Variants in MEF2B observed in about 807,000 individuals in gnomAD.
MEF2B encodes myocyte enhancer factor 2B.
In MEF2B, 15 loss-of-function variants were observed where a neutral mutation model predicts 32.2. The ratio of observed to expected loss-of-function variants is 0.47; its 90% CI spans 0.31 to 0.72. The LOEUF is 0.72. Among genes scored for constraint, MEF2B ranks in the 30% least tolerant of loss-of-function variants. MEF2B has a pLI of 0.05. For missense variants in MEF2B, 441 were observed against 511.5 expected, an observed-to-expected ratio of 0.86 and a Z score of 1.33; for synonymous variants, 205 against 225.6, an observed-to-expected ratio of 0.91 and a Z score of 0.82.
chr19:19,166,862 G>A (rs932199923), intron 1 of MEF2B, among the ~76,000 whole-genome samples: 5 of 151,652 alleles, frequency 3.3e-5, no homozygotes, highest in African/African-American at 7.3e-5. Context: ...CCAGGAGTTC[G>A]AGACCAGCTT....
chr19:19,169,809 T>C (rs2060239314), intron 1 of MEF2B, among the ~76,000 whole-genome samples: 1 of 152,070 alleles, frequency 6.6e-6, no homozygotes, highest in African/African-American at 2.4e-5. Context: ...CATAGGGTTG[T>C]GCACAGGGGA....
rs992181632 is a variant in MEF2B, at chr19:19,168,025, C to T, written c.-30+2180G>A. Among the ~76,000 whole-genome samples the T allele has an allele frequency of 3.9e-5, 6 of 152,210 alleles. No homozygotes were observed. The East Asian group carries it at 7.7e-4, about 20-fold the overall frequency. On this transcript the variant is annotated intron_variant, in intron 1 of 8. Coordinates refer to ENST00000424583, the MANE Select transcript of MEF2B (RefSeq NM_001145785.2). ...AGGCCAAGCTTCCCCCTTTACTGAACAACAGGAAGGGGACATGAGGGAACA... is the reference window on the plus strand; with the variant it reads ...AGGCCAAGCTTCCCCCTTTACTGAATAACAGGAAGGGGACATGAGGGAACA...
intron 1 of MEF2B, among the ~76,000 whole-genome samples, chr19:19,161,363 C>G (rs1358325787): frequency 6.6e-6 from 1 of 151,962 alleles, no homozygotes; most frequent in Non-Finnish European, 1.5e-5. Context: ...GACCCCCAAA[C>G]AGAGCCGCAG....
chr19:19,168,431 G>A (rs2146389683), intron 1 of MEF2B, among the ~76,000 whole-genome samples: 1 of 151,012 alleles, frequency 6.6e-6, no homozygotes, highest in South Asian at 2.1e-4. Context: ...GTACCATCAT[G>A]GCCGGCTAAT....
rs1442783908 is a variant in MEF2B, at chr19:19,150,805, G to A, written c.-29-41C>T. The A allele has an allele frequency of 2.5e-6, 4 of 1,610,606 alleles. No individual in the cohort carries two copies. In the Admixed American group the frequency reaches 5.0e-5, roughly 20 times the overall value. ...GGAGAGGACAGAGTGAGTGGGTGGA[G>A]AGTGGGGAGGGGTACCCCAGCCTCA... On this transcript the variant is annotated intron_variant, in intron 1 of 8. Coordinates refer to ENST00000424583, the MANE Select transcript of MEF2B (RefSeq NM_001145785.2).
chr19:19,149,903 A>AC (rs1167686414), intron 2 of MEF2B, among the ~76,000 whole-genome samples: 3 of 150,890 alleles, frequency 2.0e-5, no homozygotes, highest in Admixed American at 6.6e-5. Context: ...ACATGGTGAG[A>AC]CCCCTGACTC....
chr19:19,168,268 CTT>C lies in MEF2B; in HGVS notation c.-30+1935_-30+1936del, dbSNP rs1050853160. Reference sequence around the variant, plus strand: ...TTGATTATTGTTTTGTTTCTTTCTTCTTTTTTTTTTTTTTTTTTTTTTGAGAT... The same window carrying C: ...TTGATTATTGTTTTGTTTCTTTCTTCTTTTTTTTTTTTTTTTTTTTGAGAT... On this transcript the variant is annotated intron_variant, in intron 1 of 8. Transcript: ENST00000424583. Among the ~76,000 whole-genome samples, 764 of 99,038 alleles carry C rather than the reference CTT, an allele frequency of 7.7e-3. 10 individuals are homozygous for C. Among genetic ancestry groups the C allele is most frequent in the African/African-American group, 0.026 (695 of 26,952 alleles). 65.0% of individuals were successfully genotyped at this position (99,038 alleles called of 152,430 possible).
intron 1 of MEF2B, among the ~76,000 whole-genome samples, chr19:19,158,561 C>A (rs2060136841): frequency 6.9e-6 from 1 of 145,244 alleles, no homozygotes; most frequent in Admixed American, 6.9e-5. Flanking sequence ...AGTTCAAGAC[C>A]AGCCTGGGCA....
chr19:19,157,568 C>G (rs2146369817), intron 1 of MEF2B, among the ~76,000 whole-genome samples: 1 of 152,332 alleles, frequency 6.6e-6, no homozygotes, highest in East Asian at 1.9e-4. Context: ...ACTGATGCAG[C>G]TGGGCGCAGG....
chr19:19,148,070 G>A (rs1031061547), intron 3 of MEF2B, among the ~76,000 whole-genome samples: 1 of 152,272 alleles, frequency 6.6e-6, no homozygotes, highest in Non-Finnish European at 1.5e-5. Context: ...CAGGAGCTGA[G>A]ATCCATGCAG....
intron 1 of MEF2B, among the ~76,000 whole-genome samples, chr19:19,157,555 C>G (rs183121531): frequency 3.3e-5 from 5 of 152,172 alleles, no homozygotes; most frequent in African/African-American, 4.8e-5. Flanking sequence ...ACAATCAAAA[C>G]TCACTGATGC....
At chr19:19,160,789 C>T (rs1484671386) in intron 1 of MEF2B, among the ~76,000 whole-genome samples, 1 of 152,084 alleles carries the variant, frequency 6.6e-6, no homozygotes. Flanking sequence ...CAGGAAGAGC[C>T]CCTTGGAAAG....
chr19:19,162,299 A>T (rs542667354), intron 1 of MEF2B, among the ~76,000 whole-genome samples: 2 of 151,862 alleles, frequency 1.3e-5, no homozygotes, highest in East Asian at 1.9e-4. Flanking sequence ...TGCCAGGCTA[A>T]TTTTTTTTAT....
At chr19:19,158,926 G>A (rs2060139336) in intron 1 of MEF2B, among the ~76,000 whole-genome samples, 1 of 151,612 alleles carries the variant, frequency 6.6e-6, no homozygotes, top group Non-Finnish European at 1.5e-5. Context: ...AACATTGTGA[G>A]ACTGACTCGA....
chr19:19,154,636 G>A (rs969599489), intron 1 of MEF2B, among the ~76,000 whole-genome samples: 2 of 151,938 alleles, frequency 1.3e-5, no homozygotes, highest in Non-Finnish European at 2.9e-5. Flanking sequence ...TAGAGACAGG[G>A]TTTTGCCAAG....
At chr19:19,167,221 C>T (rs139171910) in intron 1 of MEF2B, among the ~76,000 whole-genome samples, 3 of 151,950 alleles carry the variant, frequency 2.0e-5, no homozygotes, top group East Asian at 1.9e-4. Context: ...AATGGTGGCA[C>T]GCACCTGTAA....
At chr19:19,167,729 G>A (rs1017892189) in intron 1 of MEF2B, among the ~76,000 whole-genome samples, 2 of 152,166 alleles carry the variant, frequency 1.3e-5, no homozygotes, top group African/African-American at 4.8e-5. Context: ...CCAAGAGTGG[G>A]TTCAGCTTGC....
At chr19:19,146,088 C>T in intron 8 of MEF2B, 66 bp from the exon 9 acceptor site, 1 of 1,317,700 alleles carries the variant, frequency 7.6e-7, no homozygotes. Context: ...CAGGGGATGG[C>T]ACAGCGTGGG....
At chr19:19,167,703 C>T (rs537940356) in intron 1 of MEF2B, among the ~76,000 whole-genome samples, 24 of 152,236 alleles carry the variant, frequency 1.6e-4, no homozygotes, top group Admixed American at 3.9e-4. Flanking sequence ...ATAAATCATT[C>T]GTTGGGATGG....
Sources: gnomAD v4.1 joint callset for allele counts (sites outside exome capture counted in the v4.1 genomes callset) on GRCh38, gnomAD v4.1.1 for gene constraint, MANE v1.5 for transcripts, NCBI Gene and HGNC (gene_info 2026-07-23, HGNC 2026-07-21) for gene names.